The following NPEPPS variants were observed in gnomAD, a reference collection of about 807,000 sequenced individuals.
The protein encoded by NPEPPS is puromycin-sensitive aminopeptidase.
Under a neutral mutation model 115.5 loss-of-function variants are expected in NPEPPS, and 14 were observed. The ratio of observed to expected loss-of-function variants is 0.12; its 90% CI spans 0.08 to 0.19. NPEPPS has a LOEUF of 0.19. NPEPPS is among the 10% of genes least tolerant of loss of function. NPEPPS has a pLI of 1.00. For missense variants in NPEPPS, 523 were observed against 1,110.8 expected (o/e 0.47, Z 7.52); for synonymous variants, 285 against 390.6 (o/e 0.73, Z 3.19).
intron 17 of NPEPPS, among the ~76,000 whole-genome samples, chr17:47,611,094 C>T (rs1175633820): frequency 4.6e-5 from 7 of 150,578 alleles, no homozygotes; most frequent in South Asian, 4.2e-4. Flanking sequence ...CCTCATGATC[C>T]GCCTGCCTCA....
chr17:47,618,988 T>G, intron 20 of NPEPPS, 21 bp from the exon 21 acceptor site: 1 of 1,609,372 alleles, frequency 6.2e-7, no homozygotes, highest in South Asian at 1.1e-5. Context: ...ACTAGACTTT[T>G]AGCTCTCTTT....
intron 14 of NPEPPS, among the ~76,000 whole-genome samples, chr17:47,601,145 G>C (rs1373808852): frequency 6.6e-6 from 1 of 152,040 alleles, no homozygotes; most frequent in Non-Finnish European, 1.5e-5. Context: ...TGAGGCACAA[G>C]AACTTCTTGA....
At position 47,585,679 on chromosome 17, in the gene NPEPPS, G is replaced by A. The variant is rs4060752; in HGVS notation, c.828G>A (p.Glu276=). 1.2e-6 allele frequency: 2 copies of A among 1,613,862 alleles called. No individual in the cohort carries two copies. The highest frequency in any genetic ancestry group is 1.7e-6 in the Non-Finnish European group (2 of 1,179,822). Residue 276 remains glutamate (E), a synonymous_variant, in exon 6 of 23, where the codon GAG becomes GAA. Coordinates refer to ENST00000322157, the MANE Select transcript of NPEPPS (RefSeq NM_006310.4). The part of the protein sequence containing the change: ...VRVYTPVGKA[E]QGKFALEVAA... Reference sequence around the variant, plus strand: ...TTTACACTCCTGTTGGCAAAGCAGAGCAAGGAAAATTTGCGTTAGAGGTAA... The same window carrying A: ...TTTACACTCCTGTTGGCAAAGCAGAACAAGGAAAATTTGCGTTAGAGGTAA...
Position 47,585,540 on chromosome 17 carries a change from T to C in NPEPPS, c.689T>C (p.Leu230Ser). ...DRKPYPDDENLVEVKFARTPV... is the reference protein window; with the variant it reads ...DRKPYPDDENSVEVKFARTPV... ...AAACCATACCCTGATGATGAAAATT[T>C]AGTGGAAGTGAAGTTTGCCCGCACA... is the stretch of plus-strand genomic sequence containing the variant. Residue 230 changes from leucine to serine, a missense_variant, in exon 6 of 23, where the codon TTA (leucine) becomes TCA (serine). Leu to Ser is a moderately radical substitution (Grantham distance 145). This residue lies in a region of NPEPPS where 144 missense variants were observed against 512.4 expected (regional missense o/e 0.28). Coordinates refer to ENST00000322157, the MANE Select transcript of NPEPPS (RefSeq NM_006310.4). 6.2e-7 allele frequency: 1 copy of C among 1,613,864 alleles called. No homozygotes were observed. The highest frequency in any genetic ancestry group is 8.5e-7 in the Non-Finnish European group (1 of 1,179,754).
At chr17:47,608,121 C>A (rs937652675) in intron 17 of NPEPPS, among the ~76,000 whole-genome samples, 6 of 152,114 alleles carry the variant, frequency 3.9e-5, no homozygotes, top group African/African-American at 1.4e-4. Flanking sequence ...GGATTGCAGC[C>A]ATGAGCCACT....
intron 20 of NPEPPS, among the ~76,000 whole-genome samples, chr17:47,618,746 TC>T (rs1214011284): frequency 6.6e-6 from 1 of 152,216 alleles, no homozygotes; most frequent in Admixed American, 6.5e-5. Context: ...TTGTGTCTCT[TC>T]CTTTCTTAAA....
At chr17:47,619,589 T>G in intron 21 of NPEPPS, 148 bp from the exon 22 acceptor site, 1 of 700,236 alleles carries the variant, frequency 1.4e-6, no homozygotes, top group South Asian at 1.8e-5. Context: ...AGTTACTGGC[T>G]TTATTTAAGG....
chr17:47,581,517 A>G (rs1911872479), intron 4 of NPEPPS: 1 of 152,200 alleles, frequency 6.6e-6, no homozygotes, highest in South Asian at 2.1e-4. Context: ...TTCCTTTAGT[A>G]TAAATTCATT....
chr17:47,543,891 GTTTATTTA>G (rs149949702), intron 1 of NPEPPS, among the ~76,000 whole-genome samples: 3,660 of 141,074 alleles, frequency 0.026, 60 homozygotes, highest in East Asian at 0.15. Flanking sequence ...TTGTTTGTTT[GTTTATTTA>G]TTTATTTATT....
At chr17:47,566,562 C>T (rs558605195) in intron 2 of NPEPPS, among the ~76,000 whole-genome samples, 58 of 146,292 alleles carry the variant, frequency 4.0e-4, no homozygotes, top group African/African-American at 1.3e-3. Context: ...AGTGCAGTGG[C>T]GCATCTCGGC....
At chr17:47,573,469 A>C (rs1246762844) in intron 3 of NPEPPS, among the ~76,000 whole-genome samples, 1 of 152,246 alleles carries the variant, frequency 6.6e-6, no homozygotes, top group Non-Finnish European at 1.5e-5. Flanking sequence ...GCAAGGTCAT[A>C]GAAAATTTGA....
upstream of NPEPPS, among the ~76,000 whole-genome samples, chr17:47,527,385 G>A (rs1296587058): frequency 6.6e-6 from 1 of 151,856 alleles, no homozygotes; most frequent in Non-Finnish European, 1.5e-5. Context: ...TTGGGTGGCT[G>A]AGGCAGGAGA....
chr17:47,548,395 T>C (rs1166845813), intron 2 of NPEPPS: 1 of 152,002 alleles, frequency 6.6e-6, no homozygotes, highest in African/African-American at 2.4e-5. Flanking sequence ...TAGCCAGGTA[T>C]ATCAAAGCAA....
rs189353509 is a variant in NPEPPS at position 47,615,880 on chromosome 17, C to T, written c.2295+2155C>T. Among the ~76,000 whole-genome samples, 6 of 152,144 alleles carry T rather than the reference C, an allele frequency of 3.9e-5. No individual in the cohort carries two copies. The East Asian group carries it at 1.2e-3, about 29-fold the overall frequency. ...CTATGGAAATAGCTCTAATGAAGGC[C>T]GAATCATGGTTCTTCAAGAAGCCAC... On this transcript the variant is annotated intron_variant, in intron 19 of 22. Transcript: ENST00000322157.
At chr17:47,568,742 G>A (rs1312045985) in intron 2 of NPEPPS, among the ~76,000 whole-genome samples, 3 of 151,800 alleles carry the variant, frequency 2.0e-5, no homozygotes, top group Admixed American at 6.6e-5. Flanking sequence ...TGCAACCTCC[G>A]CCTCCCGGGT....
intron 9 of NPEPPS, 75 bp from the exon 10 acceptor site, chr17:47,590,642 G>T: frequency 1.3e-6 from 2 of 1,485,424 alleles, no homozygotes; most frequent in South Asian, 2.6e-5. Flanking sequence ...TAGTGGAAGG[G>T]ACATGTGAGT....
chr17:47,613,808 A>G (rs967225940), intron 19 of NPEPPS, 83 bp downstream of exon 19: 5 of 1,004,566 alleles, frequency 5.0e-6, no homozygotes, highest in Non-Finnish European at 7.6e-6. Flanking sequence ...TTAAAAAAAA[A>G]GACAGTCCTA....
intron 17 of NPEPPS, among the ~76,000 whole-genome samples, chr17:47,609,210 T>A (rs760410336): frequency 6.6e-6 from 1 of 152,154 alleles, no homozygotes; most frequent in Non-Finnish European, 1.5e-5. Context: ...TAGTGACAGC[T>A]GAATAATCAA....
chr17:47,525,061 A>G (rs960923770), intron 1 of NPEPPS, among the ~76,000 whole-genome samples: 5 of 151,868 alleles, frequency 3.3e-5, no homozygotes, highest in African/African-American at 1.2e-4. Context: ...CTGAAGCACC[A>G]TGGAGGGAAA....
Sources: gnomAD v4.1 joint callset for allele counts (sites outside exome capture counted in the v4.1 genomes callset) on GRCh38, gnomAD v4.1.1 for gene constraint, gnomAD v4.1.1 regional missense constraint, MANE v1.5 for transcripts, NCBI Gene and HGNC (gene_info 2026-07-23, HGNC 2026-07-21) for gene names.